NR2F1-AS1: variants seen among roughly 807,000 people sequenced by gnomAD.
The protein encoded by NR2F1-AS1 is NR2F1 regulatory antisense RNA 1.
At chr5:93,545,214 T>G (rs181215076) in intron 4 of NR2F1-AS1, among the ~76,000 whole-genome samples, 2 of 152,270 alleles carry the variant, frequency 1.3e-5, no homozygotes, top group Admixed American at 1.3e-4. Context: ...ACAACAAAAA[T>G]TTATTTCTCA....
intron 4 of NR2F1-AS1, among the ~76,000 whole-genome samples, chr5:93,485,562 G>A (rs187543896): frequency 2.5e-4 from 38 of 152,162 alleles, no homozygotes; most frequent in South Asian, 1.9e-3. Context: ...AGAGAAGCAA[G>A]AGCAAACACA....
intron 4 of NR2F1-AS1, among the ~76,000 whole-genome samples, chr5:93,469,434 C>T (rs1750318861): frequency 6.6e-6 from 1 of 152,126 alleles, no homozygotes; most frequent in Non-Finnish European, 1.5e-5. Flanking sequence ...TTGACTGAAA[C>T]ATCACGCAGT....
chr5:93,545,653 G>T (rs143680463), intron 4 of NR2F1-AS1, among the ~76,000 whole-genome samples: 2 of 152,210 alleles, frequency 1.3e-5, no homozygotes, highest in African/African-American at 4.8e-5. Context: ...TTACTGCTGT[G>T]CATTTCTTTA....
chr5:93,503,330 T>C (rs959222086), intron 4 of NR2F1-AS1, among the ~76,000 whole-genome samples: 3 of 152,138 alleles, frequency 2.0e-5, no homozygotes, highest in East Asian at 3.9e-4. Context: ...TTGTTAGTAA[T>C]AGCATTGGTA....
In NR2F1-AS1 at chr5:93,439,586, G is replaced by A. The variant is rs180691820; in HGVS notation, n.639-44044C>T. On this transcript the variant is annotated intron_variant and non_coding_transcript_variant, in intron 4 of 5. Coordinates refer to ENST00000660523, the Ensembl canonical transcript of NR2F1-AS1. ...TGGGATTACAGGCGTGAGCCACTGCGCCCGGCCAAGGCTTTTCTTTTAAAA... is the reference window on the plus strand; with the variant it reads ...TGGGATTACAGGCGTGAGCCACTGCACCCGGCCAAGGCTTTTCTTTTAAAA... Among the ~76,000 whole-genome samples the A allele has an allele frequency of 2.1e-3, 315 of 152,314 alleles. 2 individuals carry two copies. Among genetic ancestry groups the A allele is most frequent in the African/African-American group, 7.1e-3 (295 of 41,578 alleles).
intron 4 of NR2F1-AS1, among the ~76,000 whole-genome samples, chr5:93,480,475 C>T (rs142277703): frequency 6.6e-6 from 1 of 152,194 alleles, no homozygotes; most frequent in East Asian, 1.9e-4. Flanking sequence ...CACTGACAGA[C>T]TTGCTCTACA....
At chr5:93,458,651 C>A (rs1047469439) in intron 4 of NR2F1-AS1, among the ~76,000 whole-genome samples, 8 of 152,012 alleles carry the variant, frequency 5.3e-5, no homozygotes, top group African/African-American at 1.2e-4. Context: ...AAACAAAAAA[C>A]CAAAAATAAG....
At chr5:93,500,770 G>A (rs1249204684) in intron 4 of NR2F1-AS1, among the ~76,000 whole-genome samples, 1 of 152,100 alleles carries the variant, frequency 6.6e-6, no homozygotes, top group Non-Finnish European at 1.5e-5. Flanking sequence ...CTCCTGAGTA[G>A]CTGGGACTAC....
At chr5:93,464,859 G>T (rs1460812393) in intron 4 of NR2F1-AS1, among the ~76,000 whole-genome samples, 1 of 152,164 alleles carries the variant, frequency 6.6e-6, no homozygotes, top group African/African-American at 2.4e-5. Flanking sequence ...AAATCAATGA[G>T]AAATTGCTAG....
chr5:93,504,208 T>A lies in NR2F1-AS1; in HGVS notation n.638+49553A>T, dbSNP rs550369643. On this transcript the variant is annotated intron_variant and non_coding_transcript_variant, in intron 4 of 5. Transcript: ENST00000660523. ...CAAAAAAAGTTAAATAAATTGCAGATCATTGTTGTATAAGTCCATGTCATT... is the reference window on the plus strand; with the variant it reads ...CAAAAAAAGTTAAATAAATTGCAGAACATTGTTGTATAAGTCCATGTCATT... 2.0e-5 allele frequency among the ~76,000 whole-genome samples: 3 copies of A among 152,310 alleles called. No individual in the cohort carries two copies. The South Asian group carries it at 6.2e-4, about 32-fold the overall frequency.
At chr5:93,557,115 TCA>T (rs1159913715) in intron 2 of NR2F1-AS1, among the ~76,000 whole-genome samples, 1 of 152,156 alleles carries the variant, frequency 6.6e-6, no homozygotes, top group Non-Finnish European at 1.5e-5. Flanking sequence ...ACAGACAGCA[TCA>T]CATAATCAAA....
chr5:93,425,353 A>G lies in NR2F1-AS1; in HGVS notation n.639-29811T>C, dbSNP rs76215506. 5.0e-4 allele frequency among the ~76,000 whole-genome samples: 76 copies of G among 152,294 alleles called. No individual in the cohort carries two copies. In the East Asian group the frequency reaches 0.014, roughly 27 times the overall value. ...GCACAATAACCTGGGCTCATTGACA[A>G]TACAGTCACAGGGTTCCAAGTGCAG... On this transcript the variant is annotated intron_variant and non_coding_transcript_variant, in intron 4 of 5. Transcript: ENST00000660523.
intron 1 of NR2F1-AS1, among the ~76,000 whole-genome samples, chr5:93,574,106 GTTTAA>G (rs1561513388): frequency 2.0e-5 from 3 of 152,222 alleles, no homozygotes; most frequent in African/African-American, 7.2e-5. Context: ...GCTGGTTTGA[GTTTAA>G]TTTATTCAAT....
intron 4 of NR2F1-AS1, among the ~76,000 whole-genome samples, chr5:93,535,678 T>C (rs995285309): frequency 6.6e-6 from 1 of 152,054 alleles, no homozygotes; most frequent in Non-Finnish European, 1.5e-5. Context: ...GGATTCATCG[T>C]AGAGATGCAA....
chr5:93,554,630 T>C (rs919475492), intron 3 of NR2F1-AS1, among the ~76,000 whole-genome samples: 2 of 152,170 alleles, frequency 1.3e-5, no homozygotes, highest in African/African-American at 4.8e-5. Flanking sequence ...AAACTAGATA[T>C]AAGTAAAACA....
At chr5:93,438,723 C>T (rs1209211949) in intron 4 of NR2F1-AS1, 1 of 152,138 alleles carries the variant, frequency 6.6e-6, no homozygotes, top group Non-Finnish European at 1.5e-5. Flanking sequence ...TCTTGGAATT[C>T]CATTTGCGAC....
At chr5:93,509,920 GATGA>G (rs1434749661) in intron 4 of NR2F1-AS1, among the ~76,000 whole-genome samples, 2 of 151,556 alleles carry the variant, frequency 1.3e-5, no homozygotes, top group Non-Finnish European at 2.9e-5. Flanking sequence ...GTATAGTCTC[GATGA>G]ATATGTAAAA....
chr5:93,528,871 G>A (rs1266087328), intron 4 of NR2F1-AS1, among the ~76,000 whole-genome samples: 1 of 151,658 alleles, frequency 6.6e-6, no homozygotes, highest in Non-Finnish European at 1.5e-5. Context: ...ACACATGGAG[G>A]GGAACATCAT....
chr5:93,527,230 G>A (rs1028567785), intron 4 of NR2F1-AS1, among the ~76,000 whole-genome samples: 1 of 152,098 alleles, frequency 6.6e-6, no homozygotes. Flanking sequence ...AATCATGAGT[G>A]AACTCCCATT....
Sources: allele counts gnomAD v4.1 joint callset (sites outside exome capture counted in the v4.1 genomes callset), GRCh38; gene constraint gnomAD v4.1.1; transcripts MANE v1.5; gene names NCBI Gene and HGNC (gene_info 2026-07-23, HGNC 2026-07-21).